Variants in KLRF1 observed in about 807,000 individuals in gnomAD.
The protein encoded by KLRF1 is killer cell lectin like receptor F1, also known as killer cell lectin-like receptor subfamily F member 1.
Under a neutral mutation model 30.7 loss-of-function variants are expected in KLRF1, and 27 were observed. The observed-to-expected ratio is 0.88, with a 90% CI of 0.65 to 1.21. KLRF1 has a LOEUF of 1.21. Ranked by LOEUF, KLRF1 falls within the 50% of genes most tolerant of loss-of-function variation. The pLI, the probability that KLRF1 is intolerant of heterozygous loss-of-function variation, is 0.00. For synonymous variants in KLRF1, 92 were observed against 89.3 expected, an observed-to-expected ratio of 1.03 and a Z score of -0.17; for missense variants, 246 against 259.3, an observed-to-expected ratio of 0.95 and a Z score of 0.35.
chr12:9,813,292 C>A, the KLRF1 span, among the ~76,000 whole-genome samples: 15,274 of 151,910 alleles, frequency 0.1, 1,006 homozygotes, highest in East Asian at 0.37. Context: ...TTCCTAAAAA[C>A]CTTGTAGGAT....
Position 9,832,341 on chromosome 12 carries a change from T to TA in KLRF1, c.115dup (p.Ile39AsnfsTer44). The TA allele has an allele frequency of 6.2e-7, 1 of 1,607,456 alleles. No homozygotes were observed. Among genetic ancestry groups the TA allele is most frequent in the Non-Finnish European group, 8.5e-7 (1 of 1,174,506 alleles). ...ATTATTCAGTGACGTTGCACTGGTA[T>TA]AAAATCTTACTGGGAATATCTGGAA... On this transcript the variant is annotated frameshift_variant, in exon 2 of 6. Coordinates refer to ENST00000617889, the MANE Select transcript of KLRF1 (RefSeq NM_016523.3). LOFTEE classifies it high-confidence loss of function.
At chr12:9,825,885 T>G (rs1867276213), upstream of KLRF1, among the ~76,000 whole-genome samples, 1 of 152,058 alleles carries the variant, frequency 6.6e-6, no homozygotes. Flanking sequence ...TTTTCGTGTT[T>G]TATTTATCAA....
chr12:9,832,468 CTTATAAATCTTT>C, intron 2 of KLRF1, 54 bp downstream of exon 2: 1 of 983,096 alleles, frequency 1.0e-6, no homozygotes, highest in Non-Finnish European at 1.6e-6. Flanking sequence ...TTACTTGTCT[CTTATAAATCTTT>C]TTATAATTAT....
At chr12:9,807,343 T>C in the KLRF1 span, among the ~76,000 whole-genome samples, 2 of 152,132 alleles carry the variant, frequency 1.3e-5, no homozygotes. Context: ...TTTTGCTATA[T>C]TAACCTTCTT....
chr12:9,826,066 A>G (rs1413936639), upstream of KLRF1, among the ~76,000 whole-genome samples: 1 of 152,162 alleles, frequency 6.6e-6, no homozygotes, highest in African/African-American at 2.4e-5. Flanking sequence ...AATTTGTCAA[A>G]TATTTTCTCC....
chr12:9,822,008 T>G, the KLRF1 span, among the ~76,000 whole-genome samples: 2 of 152,116 alleles, frequency 1.3e-5, no homozygotes, highest in Non-Finnish European at 2.9e-5. Flanking sequence ...AGAAAAGAAG[T>G]CTACTGACTA....
chr12:9,823,190 G>A (rs762338147), upstream of KLRF1, among the ~76,000 whole-genome samples: 13 of 144,502 alleles, frequency 9.0e-5, no homozygotes, highest in South Asian at 4.3e-4. Flanking sequence ...AAAATTGACC[G>A]CACAATTGAA....
chr12:9,811,335 A>AAAAAAAAAAAG, the KLRF1 span, among the ~76,000 whole-genome samples: 12 of 146,316 alleles, frequency 8.2e-5, no homozygotes, highest in African/African-American at 3.0e-4. Flanking sequence ...AAAAAAAAAA[A>AAAAAAAAAAAG]AGAGAGAAAA....
intron 3 of KLRF1, among the ~76,000 whole-genome samples, chr12:9,837,130 C>G (rs1441507971): frequency 1.3e-5 from 2 of 151,986 alleles, no homozygotes; most frequent in African/African-American, 4.8e-5. Flanking sequence ...TTCTCTCTCC[C>G]CTTAGCCTCT....
intron 4 of KLRF1, 118 bp from the exon 5 acceptor site, chr12:9,842,203 G>T: frequency 9.6e-7 from 1 of 1,036,304 alleles, no homozygotes. Flanking sequence ...AGTAAGATAT[G>T]AATTGATTAC....
At chr12:9,842,492 A>C in intron 5 of KLRF1, 59 bp downstream of exon 5, 1 of 1,497,912 alleles carries the variant, frequency 6.7e-7, no homozygotes, top group Non-Finnish European at 9.2e-7. Context: ...TGTCTCCTCC[A>C]GGTTCACCAA....
chr12:9,842,268 G>A, intron 4 of KLRF1, 53 bp from the exon 5 acceptor site: 2 of 1,591,514 alleles, frequency 1.3e-6, no homozygotes, highest in Non-Finnish European at 1.7e-6. Context: ...AATATTCAGT[G>A]TGTCTGAATT....
chr12:9,832,144 T>C (rs1269826127), intron 1 of KLRF1, among the ~76,000 whole-genome samples, 172 bp from the exon 2 acceptor site: 1 of 152,170 alleles, frequency 6.6e-6, no homozygotes, highest in Non-Finnish European at 1.5e-5. Flanking sequence ...AGTGTTATCA[T>C]TGTTAAATAA....
At chr12:9,806,902 C>T in the KLRF1 span, among the ~76,000 whole-genome samples, 1 of 152,070 alleles carries the variant, frequency 6.6e-6, no homozygotes, top group Non-Finnish European at 1.5e-5. Flanking sequence ...AGGCTGGTCT[C>T]AAACTCCTGA....
At chr12:9,810,446 A>G in the KLRF1 span, among the ~76,000 whole-genome samples, 1 of 152,224 alleles carries the variant, frequency 6.6e-6, no homozygotes, top group African/African-American at 2.4e-5. Flanking sequence ...CTTAATGACT[A>G]TATGCTTAAA....
the KLRF1 span, among the ~76,000 whole-genome samples, chr12:9,818,508 A>G: frequency 6.6e-6 from 1 of 152,182 alleles, no homozygotes; most frequent in African/African-American, 2.4e-5. Context: ...ACATTCTGTA[A>G]CTCTTAAGTA....
chr12:9,810,834 CTG>C, the KLRF1 span, among the ~76,000 whole-genome samples: 1 of 152,134 alleles, frequency 6.6e-6, no homozygotes, highest in Non-Finnish European at 1.5e-5. Flanking sequence ...CAATATCTTT[CTG>C]TGTCAATAAG....
At chr12:9,808,024 A>C in the KLRF1 span, among the ~76,000 whole-genome samples, 1 of 152,080 alleles carries the variant, frequency 6.6e-6, no homozygotes, top group African/African-American at 2.4e-5. Context: ...TATTTATAGG[A>C]ACTAAAAGGG....
Position 9,844,918 on chromosome 12 carries a change from A to G in KLRF1, c.*392A>G, listed in dbSNP as rs2136971323. The G allele has an allele frequency of 6.5e-6, 1 of 152,828 alleles. No individual in the cohort carries two copies. The highest frequency in any genetic ancestry group is 1.9e-4 in the East Asian group (1 of 5,210). The allele number at this position is 152,828 out of a possible 1,614,324, so 9.5% of individuals were successfully genotyped here. Reference sequence around the variant, plus strand: ...TATAATGTGGGTTTATACATTTTTTACCCTTTTGTCAAAGAGAATTAACTT... The same window carrying G: ...TATAATGTGGGTTTATACATTTTTTGCCCTTTTGTCAAAGAGAATTAACTT... On this transcript the variant is annotated 3_prime_UTR_variant, in exon 6 of 6. Transcript: ENST00000617889.
Sources: gnomAD v4.1 joint callset for allele counts (sites outside exome capture counted in the v4.1 genomes callset) on GRCh38, gnomAD v4.1.1 for gene constraint, MANE v1.5 for transcripts, NCBI Gene and HGNC (gene_info 2026-07-23, HGNC 2026-07-21) for gene names.